The following CDH11 variants were observed in gnomAD, a reference collection of about 807,000 sequenced individuals.
CDH11 encodes the protein cadherin 11.
A neutral mutation model predicts 67.8 loss-of-function variants in CDH11; 11 were observed. That is an observed-to-expected ratio of 0.16 (90% confidence interval 0.10 to 0.27). The LOEUF (loss-of-function observed/expected upper bound fraction) is 0.27. CDH11 is among the 10% of genes least tolerant of loss of function. The probability of loss-of-function intolerance (pLI) is 1.00; values close to 1 mark genes in which losing one functional copy is unlikely to be tolerated. For synonymous variants in CDH11, 419 were observed against 400.0 expected (o/e 1.05, Z -0.57); for missense variants, 847 against 1,031.2 (o/e 0.82, Z 2.45).
At chr16:64,965,553 C>A (rs373934319) in intron 11 of CDH11, among the ~76,000 whole-genome samples, 7 of 152,018 alleles carry the variant, frequency 4.6e-5, no homozygotes, top group Non-Finnish European at 1.0e-4. Flanking sequence ...GGTAACAATG[C>A]CTTCTTCTGG....
At chr16:65,064,230 T>C (rs1247361594) in intron 1 of CDH11, among the ~76,000 whole-genome samples, 1 of 152,206 alleles carries the variant, frequency 6.6e-6, no homozygotes, top group Non-Finnish European at 1.5e-5. Context: ...TAGAAAGACT[T>C]TGGCATAAGA....
intron 1 of CDH11, among the ~76,000 whole-genome samples, chr16:65,071,341 C>T (rs1248538272): frequency 6.6e-6 from 1 of 152,140 alleles, no homozygotes; most frequent in Non-Finnish European, 1.5e-5. Context: ...CACACACAAA[C>T]GCGTGCATAC....
At chr16:64,967,547 C>T (rs1294794137) in intron 11 of CDH11, among the ~76,000 whole-genome samples, 2 of 152,046 alleles carry the variant, frequency 1.3e-5, no homozygotes, top group African/African-American at 2.4e-5. Context: ...AAACAATGTA[C>T]GTACTTACAG....
chr16:65,122,118 G>A (rs187299865), upstream of CDH11: 1 of 524,070 alleles, frequency 1.9e-6, no homozygotes, highest in Non-Finnish European at 3.3e-6. Flanking sequence ...GGTGGCGGGC[G>A]GGCAGGCGGG....
chr16:65,026,644 C>T (rs1335760039), intron 2 of CDH11, among the ~76,000 whole-genome samples: 1 of 152,136 alleles, frequency 6.6e-6, no homozygotes, highest in Admixed American at 6.5e-5. Context: ...AGGCATCTCC[C>T]TAAGGGTCTT....
chr16:65,123,369 C>T (rs1597223539), upstream of CDH11, among the ~76,000 whole-genome samples: 1 of 151,716 alleles, frequency 6.6e-6, no homozygotes, highest in Admixed American at 6.6e-5. Context: ...GCGAAAAAGA[C>T]GGGGAAGGAG....
At chr16:65,017,249 C>T (rs2073329782) in intron 2 of CDH11, among the ~76,000 whole-genome samples, 1 of 152,134 alleles carries the variant, frequency 6.6e-6, no homozygotes, top group African/African-American at 2.4e-5. Flanking sequence ...TTACCTAGCC[C>T]CTACTCAAGA....
chr16:65,087,332 A>G (rs974275734), intron 1 of CDH11, among the ~76,000 whole-genome samples: 2 of 152,154 alleles, frequency 1.3e-5, no homozygotes, highest in African/African-American at 4.8e-5. Context: ...GTGGCTCAGT[A>G]TAAGAAATGT....
intron 2 of CDH11, among the ~76,000 whole-genome samples, chr16:65,045,972 C>G (rs2073955734): frequency 6.6e-6 from 1 of 152,154 alleles, no homozygotes; most frequent in Non-Finnish European, 1.5e-5. Flanking sequence ...GAAAACAATC[C>G]TCTTAGGCCC....
chr16:65,051,580 C>T (rs78581295), intron 2 of CDH11, among the ~76,000 whole-genome samples: 155 of 152,270 alleles, frequency 1.0e-3, no homozygotes, highest in East Asian at 9.5e-3. Flanking sequence ...ATCTGTGCGT[C>T]CACCCAAATC....
intron 4 of CDH11, 154 bp downstream of exon 4, chr16:64,998,408 A>T: frequency 2.8e-6 from 2 of 714,694 alleles, no homozygotes; most frequent in East Asian, 2.5e-5. Context: ...TTCCCATTTT[A>T]CAGAGGAACA....
intron 1 of CDH11, among the ~76,000 whole-genome samples, chr16:65,109,038 T>G (rs2075114359): frequency 1.3e-5 from 2 of 152,092 alleles, no homozygotes. Context: ...ACCCAGCTAC[T>G]TGGGAGGTTG....
intron 12 of CDH11, among the ~76,000 whole-genome samples, chr16:64,950,204 G>T (rs970208227): frequency 1.3e-5 from 2 of 152,162 alleles, no homozygotes; most frequent in African/African-American, 2.4e-5. Flanking sequence ...AGGGGTAGGT[G>T]CAGGAAAAGC....
intron 1 of CDH11, among the ~76,000 whole-genome samples, chr16:65,067,230 G>A (rs1418556466): frequency 6.6e-6 from 1 of 151,466 alleles, no homozygotes; most frequent in African/African-American, 2.4e-5. Context: ...GAATCCAGGA[G>A]TTAAATGAAT....
intron 3 of CDH11, among the ~76,000 whole-genome samples, chr16:65,000,746 T>C (rs1436616186): frequency 6.6e-6 from 1 of 151,846 alleles, no homozygotes; most frequent in African/African-American, 2.4e-5. Context: ...GAGGTGGAGG[T>C]TGCAGCGAGC....
At chr16:65,047,837 A>G (rs1001693235) in intron 2 of CDH11, among the ~76,000 whole-genome samples, 3 of 152,150 alleles carry the variant, frequency 2.0e-5, no homozygotes, top group Non-Finnish European at 2.9e-5. Context: ...GTTTCTCCTG[A>G]TAAATCCCTA....
At chr16:64,958,944 C>T (rs991203900) in intron 11 of CDH11, among the ~76,000 whole-genome samples, 8 of 152,094 alleles carry the variant, frequency 5.3e-5, no homozygotes, top group Non-Finnish European at 1.0e-4. Context: ...ACACCCTTCA[C>T]AAACAAACCA....
At chr16:65,030,229 C>A (rs963350814) in intron 2 of CDH11, among the ~76,000 whole-genome samples, 2 of 152,094 alleles carry the variant, frequency 1.3e-5, no homozygotes, top group East Asian at 3.9e-4. Flanking sequence ...TACAGGACCC[C>A]CAATTAAATT....
chr16:65,122,164 G>A (rs915342539), upstream of CDH11: 3 of 555,088 alleles, frequency 5.4e-6, no homozygotes, highest in Non-Finnish European at 9.5e-6. Context: ...GGAGGCTGCC[G>A]CTGTGAGGGA....
Sources: allele counts gnomAD v4.1 joint callset (sites outside exome capture counted in the v4.1 genomes callset), GRCh38; gene constraint gnomAD v4.1.1; transcripts MANE v1.5; gene names NCBI Gene and HGNC (gene_info 2026-07-23, HGNC 2026-07-21).